The following ABCA2 variants were observed in gnomAD, a reference collection of about 807,000 sequenced individuals.
ABCA2 encodes ATP-binding cassette sub-family A member 2.
A neutral mutation model predicts 262.8 loss-of-function variants in ABCA2; 84 were observed. That is an observed-to-expected ratio of 0.32 (90% CI 0.27 to 0.38). The LOEUF (loss-of-function observed/expected upper bound fraction) is 0.38, where lower values mean the gene tolerates loss of function less well. ABCA2 is among the 10% of genes least tolerant of loss of function. The pLI, the probability that ABCA2 is intolerant of heterozygous loss-of-function variation, is 1.00. For synonymous variants in ABCA2, 1,696 were observed against 1,502.9 expected, an observed-to-expected ratio of 1.13 and a Z score of -2.97; for missense variants, 2,662 against 3,405.9, an observed-to-expected ratio of 0.78 and a Z score of 5.44.
Position 137,010,756 on chromosome 9 carries a change from C to T in ABCA2, c.6057-19G>A. On this transcript the variant is annotated intron_variant, in intron 39 of 48. Coordinates refer to ENST00000341511, the MANE Select transcript of ABCA2 (RefSeq NM_001606.5). ...CATGCGCCTTGGGGGACAGGGTGGA[C>T]AGTGTCCAGCAGCTCGCCACCCCCA... 6.3e-7 allele frequency: 1 copy of T among 1,599,162 alleles called. No individual in the cohort carries two copies. The highest frequency in any genetic ancestry group is 8.6e-7 in the Non-Finnish European group (1 of 1,168,638).
chr9:137,019,093 G>C lies in ABCA2; in HGVS notation c.1555-23C>G, dbSNP rs374440488. 5.0e-6 allele frequency: 8 copies of C among 1,603,926 alleles called. No homozygotes were observed. The highest frequency in any genetic ancestry group is 6.8e-6 in the Non-Finnish European group (8 of 1,173,728). ...ATACTTGGGGTGGAGGGGCGGCTCA[G>C]AGGGGGACCTGCGCCTGCCGAGCCG... is the stretch of plus-strand genomic sequence containing the variant. On this transcript the variant is annotated intron_variant, in intron 11 of 48. Transcript: ENST00000341511. The surrounding 1 kb of genome is among the most constrained non-coding windows in gnomAD (Gnocchi z 4.4).
At chr9:137,018,666 T>A (rs1348902273) in intron 13 of ABCA2, 53 bp downstream of exon 13, 25 of 1,031,228 alleles carry the variant, frequency 2.4e-5, no homozygotes, top group Non-Finnish European at 3.0e-5. Flanking sequence ...GGGGCTGGGC[T>A]GGGGAGGAAG....
chr9:137,011,331 G>A lies in ABCA2; in HGVS notation c.5800-22C>T. ...GGTCCTGCGGGGTGGCCGGGGTCAG[G>A]GGCACAGGGGTGGCCGGGGTGAGGG... On this transcript the variant is annotated intron_variant, in intron 37 of 48. Transcript: ENST00000341511. The surrounding 1 kb of genome is among the most constrained non-coding windows in gnomAD (Gnocchi z 8.8). The A allele has an allele frequency of 6.2e-7, 1 of 1,605,768 alleles. No homozygotes were observed. Among genetic ancestry groups the A allele is most frequent in the Non-Finnish European group, 8.5e-7 (1 of 1,175,154 alleles).
chr9:137,025,138 C>T (rs1831610454), intron 1 of ABCA2, among the ~76,000 whole-genome samples: 2 of 152,220 alleles, frequency 1.3e-5, no homozygotes, highest in South Asian at 4.1e-4. Context: ...GGCCTTGGAG[C>T]TCAGTTTCCC....
chr9:137,010,895 C>G, intron 39 of ABCA2, 78 bp downstream of exon 39: 2 of 640,590 alleles, frequency 3.1e-6, no homozygotes, highest in East Asian at 3.0e-5. Context: ...CTGCCCCCAC[C>G]CCCGCCCCTA....
At position 137,014,240 on chromosome 9, in the gene ABCA2, A is replaced by G; in HGVS notation, c.4168T>C (p.Tyr1390His). 6.2e-7 allele frequency: 1 copy of G among 1,610,682 alleles called. No homozygotes were observed. The highest frequency in any genetic ancestry group is 8.5e-7 in the Non-Finnish European group (1 of 1,179,106). Residue 1390 changes from tyrosine (Y) to histidine (H), a missense_variant, in exon 27 of 49, where the codon TAC becomes CAC. This residue lies in a region of ABCA2 where 297 missense variants were observed against 286.5 expected (regional missense o/e 1.04). Transcript: ENST00000341511. Reference protein sequence around the residue: ...GSARGDEGAGYTDVYGDYRPL... With the variant: ...GSARGDEGAGHTDVYGDYRPL... Reference sequence around the variant, plus strand: ...CGGTAGTCGCCATAGACGTCGGTGTAGCCAGCTCCCTCGTCGCCACGGGCA... The same window carrying G: ...CGGTAGTCGCCATAGACGTCGGTGTGGCCAGCTCCCTCGTCGCCACGGGCA...
upstream of ABCA2, chr9:137,028,353 C>T (rs987040138): frequency 8.3e-6 from 7 of 840,268 alleles, no homozygotes; most frequent in East Asian, 1.3e-4. The surrounding 1 kb of genome is among the most constrained non-coding windows in gnomAD (Gnocchi z 6.9). Flanking sequence ...CGCCGCGCTC[C>T]GTCCGCGCCC....
chr9:137,010,470 G>T, intron 40 of ABCA2, 99 bp from the exon 41 acceptor site: 1 of 1,471,620 alleles, frequency 6.8e-7, no homozygotes, highest in Non-Finnish European at 9.2e-7. Context: ...GAGCCCAGGG[G>T]GCCACGTGCC....
In ABCA2 at chr9:137,010,320, G is replaced by C. The variant is rs1274966643; in HGVS notation, c.6226C>G (p.Leu2076Val). 1.2e-5 allele frequency: 19 copies of C among 1,588,578 alleles called. No homozygotes were observed. Among genetic ancestry groups the C allele is most frequent in the African/African-American group, 8.1e-5 (6 of 74,412 alleles). Residue 2076 changes from leucine to valine, a missense_variant, in exon 41 of 49, where the codon CTG becomes GTG. By Grantham distance (32) the Leu-to-Val change is conservative (BLOSUM62 1). Transcript: ENST00000341511. ...GRILAVDRLCLGVRPGECFGL... is the reference protein window; with the variant it reads ...GRILAVDRLCVGVRPGECFGL... ...AAGCACTCGCCAGGACGCACACCCAGGCACAGGCGGTCAACGGCCAGGATA... is the reference window on the plus strand; with the variant it reads ...AAGCACTCGCCAGGACGCACACCCACGCACAGGCGGTCAACGGCCAGGATA...
rs772006407 is a variant in ABCA2, at chr9:137,023,040, G to A, written c.176C>T (p.Ala59Val). Reference sequence around the variant, plus strand: ...GATGCCGGCAGACGTCAGGGGCGCCGCTGTGTAGAAGGCTGGCAGACCCAC... The same window carrying A: ...GATGCCGGCAGACGTCAGGGGCGCCACTGTGTAGAAGGCTGGCAGACCCAC... ...ISVKEVSFYT[A>V]APLTSAGILP... Residue 59 changes from alanine to valine, a missense_variant, in exon 4 of 49, where the codon GCG (alanine) becomes GTG (valine). Ala to Val is a moderately conservative substitution (Grantham distance 64). Coordinates refer to ENST00000341511, the MANE Select transcript of ABCA2 (RefSeq NM_001606.5). The A allele has an allele frequency of 5.7e-6, 9 of 1,585,888 alleles. No individual in the cohort carries two copies. The highest frequency in any genetic ancestry group is 1.1e-5 in the South Asian group (1 of 87,078).
intron 25 of ABCA2, 30 bp from the exon 26 acceptor site, chr9:137,014,840 G>A (rs780037296): frequency 6.3e-7 from 1 of 1,588,622 alleles, no homozygotes; most frequent in East Asian, 2.3e-5. Context: ...GGAGGCTGCG[G>A]CAGGGACGCC....
At chr9:137,018,623 G>C (rs539467618) in intron 13 of ABCA2, 96 bp downstream of exon 13, 3 of 1,068,162 alleles carry the variant, frequency 2.8e-6, no homozygotes, top group South Asian at 1.5e-5. Context: ...GCCAGGGCGC[G>C]GCCAAGGAGT....
Position 137,028,175 on chromosome 9 carries a change from C to T in ABCA2, c.-35G>A, listed in dbSNP as rs1351230784. On this transcript the variant is annotated 5_prime_UTR_variant, in exon 1 of 49. Transcript: ENST00000341511. This position sits in a 1 kb window ranked among gnomAD's most constrained non-coding sequence, Gnocchi z 6.9. ...ACGCTCCGCCGCCTCAGCGCCGCGG[C>T]CCGCTCCTCTGCGCGCCCCGCCGGG... is the stretch of plus-strand genomic sequence containing the variant. The T allele has an allele frequency of 5.1e-6, 5 of 980,870 alleles. No homozygotes were observed. Among genetic ancestry groups the T allele is most frequent in the Non-Finnish European group, 6.0e-6 (5 of 828,210 alleles). The allele number at this position is 980,870 out of a possible 1,614,324, so 60.8% of individuals were successfully genotyped here.
Position 137,011,177 on chromosome 9 carries a change from C to A in ABCA2, c.5923+9G>T. ...CCCACCGCCTTCCCCGCCCCACGGG[C>A]CCCCTCACCAATCTTGGCGTAGTAC... On this transcript the variant is annotated intron_variant, in intron 38 of 48. Coordinates refer to ENST00000341511, the MANE Select transcript of ABCA2 (RefSeq NM_001606.5). The surrounding 1 kb of genome is among the most constrained non-coding windows in gnomAD (Gnocchi z 8.8). 6.2e-7 allele frequency: 1 copy of A among 1,612,462 alleles called. No individual in the cohort carries two copies. The highest frequency in any genetic ancestry group is 8.5e-7 in the Non-Finnish European group (1 of 1,179,816).
In ABCA2 at chr9:137,014,015, T is replaced by C; in HGVS notation, c.4264A>G (p.Arg1422Gly). The C allele has an allele frequency of 6.2e-7, 1 of 1,611,478 alleles. No homozygotes were observed. Among genetic ancestry groups the C allele is most frequent in the South Asian group, 1.1e-5 (1 of 91,046 alleles). Residue 1422 changes from arginine (R) to glycine (G), a missense_variant, in exon 28 of 49, where the codon AGG (arginine) becomes GGG (glycine). By Grantham distance (125) the Arg-to-Gly change is moderately radical (BLOSUM62 -2). Coordinates refer to ENST00000341511, the MANE Select transcript of ABCA2 (RefSeq NM_001606.5). ...AGCTTGCGGCTGCCCTGGCCGACCC[T>C]CGACAGGGCCTCTGCCTCCACCTCT... ...LQEVEAEALS[R>G]VGQGSRKLDG...
In ABCA2 at chr9:137,012,717, C is replaced by T. The variant is rs1808961828; in HGVS notation, c.5076G>A (p.Leu1692=). The change falls in exon 31 of 49, where the codon CTG becomes CTA. Residue 1692 remains leucine, a synonymous_variant. Coordinates refer to ENST00000341511, the MANE Select transcript of ABCA2 (RefSeq NM_001606.5). ...AGCCTCCCCACCCAGCTCACCGGTG[C>T]AGTCGGAAGCGGTCGGAGGTGAAGA... ...YLLFTSDRFR[L]HRYGAITFGN... 1 of 1,612,400 alleles carries T rather than the reference C, an allele frequency of 6.2e-7. No homozygotes were observed. The highest frequency in any genetic ancestry group is 1.3e-5 in the African/African-American group (1 of 75,052).
At position 137,011,937 on chromosome 9, in the gene ABCA2, G is replaced by A. The variant is rs769294689; in HGVS notation, c.5442C>T (p.Leu1814=). Residue 1814 remains leucine (L), a synonymous_variant, in exon 35 of 49, where the codon CTC becomes CTT. Coordinates refer to ENST00000341511, the MANE Select transcript of ABCA2 (RefSeq NM_001606.5). The surrounding 1 kb of genome is among the most constrained non-coding windows in gnomAD (Gnocchi z 8.8). ...SFVPASFVVF[L]VAEKSTKAKH... Reference sequence around the variant, plus strand: ...TGGCCTTGGTGGACTTCTCGGCCACGAGGAAGACAACGAAGCTGGCCGGCA... The same window carrying A: ...TGGCCTTGGTGGACTTCTCGGCCACAAGGAAGACAACGAAGCTGGCCGGCA... 1.1e-5 allele frequency: 18 copies of A among 1,612,582 alleles called. No individual in the cohort carries two copies. The highest frequency in any genetic ancestry group is 1.7e-5 in the Admixed American group (1 of 59,998).
At chr9:137,008,363 A>G (rs1218450031) in intron 48 of ABCA2, 53 bp downstream of exon 48, 34 of 1,542,526 alleles carry the variant, frequency 2.2e-5, no homozygotes, top group Non-Finnish European at 2.8e-5. Flanking sequence ...GCCACCAGGC[A>G]GCCTGGGTCC....
rs1588513198 is a variant in ABCA2, at chr9:137,014,013, C to A, written c.4266G>T (p.Arg1422Ser). The A allele has an allele frequency of 2.5e-6, 4 of 1,611,594 alleles. 1 individual carries two copies. The Admixed American group carries it at 6.7e-5, about 27-fold the overall frequency. Reference sequence around the variant, plus strand: ...CCAGCTTGCGGCTGCCCTGGCCGACCCTCGACAGGGCCTCTGCCTCCACCT... The same window carrying A: ...CCAGCTTGCGGCTGCCCTGGCCGACACTCGACAGGGCCTCTGCCTCCACCT... The part of the protein sequence containing the change: ...LQEVEAEALS[R>S]VGQGSRKLDG... Residue 1422 changes from arginine (R) to serine (S), a missense_variant, in exon 28 of 49, where the codon AGG becomes AGT. Coordinates refer to ENST00000341511, the MANE Select transcript of ABCA2 (RefSeq NM_001606.5).
Sources: gnomAD v4.1 joint callset for allele counts (sites outside exome capture counted in the v4.1 genomes callset) on GRCh38, gnomAD v4.1.1 for gene constraint, gnomAD v4.1.1 regional missense constraint, Gnocchi (gnomAD v3.1) non-coding constraint, MANE v1.5 for transcripts, NCBI Gene and HGNC (gene_info 2026-07-23, HGNC 2026-07-21) for gene names.